Variants in GABRA1 observed in about 807,000 individuals in gnomAD.
The protein encoded by GABRA1 is gamma-aminobutyric acid type A receptor subunit alpha1.
In GABRA1, 9 loss-of-function variants were observed where a neutral mutation model predicts 48.9. The observed-to-expected ratio is 0.18, with a 90% CI of 0.11 to 0.32. GABRA1 has a LOEUF of 0.32. GABRA1 is among the 10% of genes least tolerant of loss of function. The pLI is 1.00. For synonymous variants in GABRA1, 210 were observed against 198.7 expected (o/e 1.06, Z -0.48); for missense variants, 285 against 553.8 (o/e 0.51, Z 4.87).
At position 161,868,456 on chromosome 5, in the gene GABRA1, C is replaced by G. The variant is rs1753971485; in HGVS notation, c.255+2668C>G. Among the ~76,000 whole-genome samples, 4 of 151,802 alleles carry G rather than the reference C, an allele frequency of 2.6e-5. No homozygotes were observed. In the South Asian group the frequency reaches 8.3e-4, roughly 32 times the overall value. ...AAATTAACCTATCAGATTAAATCCCCTTCCTTCCTTCTTTTTTCCCCAGTA... is the reference window on the plus strand; with the variant it reads ...AAATTAACCTATCAGATTAAATCCCGTTCCTTCCTTCTTTTTTCCCCAGTA... On this transcript the variant is annotated intron_variant, in intron 4 of 9. Coordinates refer to ENST00000393943, the MANE Select transcript of GABRA1 (RefSeq NM_001127644.2).
intron 4 of GABRA1, among the ~76,000 whole-genome samples, chr5:161,871,652 A>G (rs1754126894): frequency 6.6e-6 from 1 of 152,154 alleles, no homozygotes; most frequent in Non-Finnish European, 1.5e-5. Context: ...CCTTTGCTGA[A>G]TTTATTAGGT....
At chr5:161,895,962 T>C (rs1273874982) in intron 9 of GABRA1, 94 bp downstream of exon 9, 1 of 1,015,600 alleles carries the variant, frequency 9.8e-7, no homozygotes, top group Middle Eastern at 2.3e-4. Context: ...GGATGGAGTA[T>C]GCAGAATAAT....
chr5:161,868,046 T>C (rs1753948232), intron 4 of GABRA1, among the ~76,000 whole-genome samples: 1 of 148,058 alleles, frequency 6.8e-6, no homozygotes, highest in Admixed American at 6.8e-5. Context: ...GCCTATAATA[T>C]TAAAAAAAAA....
rs369682969 is a variant in GABRA1 at position 161,897,449 on chromosome 5, G to C, written c.*27G>C. On this transcript the variant is annotated 3_prime_UTR_variant, in exon 10 of 10. Transcript: ENST00000393943. ...TCTTTTACTCACATTCTGTTGTTCAGTCCTCTGCACTGGGAATTTATTTAT... is the reference window on the plus strand; with the variant it reads ...TCTTTTACTCACATTCTGTTGTTCACTCCTCTGCACTGGGAATTTATTTAT... The C allele has an allele frequency of 5.7e-5, 91 of 1,583,690 alleles. No individual in the cohort carries two copies. The highest frequency in any genetic ancestry group is 7.7e-5 in the Non-Finnish European group (89 of 1,153,148).
chr5:161,899,243 T>G lies in GABRA1; in HGVS notation c.*1821T>G, dbSNP rs10059108. 3.9e-3 allele frequency: 597 copies of G among 152,700 alleles called. 5 individuals are homozygous for G. The highest frequency in any genetic ancestry group is 0.014 in the African/African-American group (582 of 41,578). The allele number at this position is 152,700 out of a possible 1,614,324, so 9.5% of individuals were successfully genotyped here. On this transcript the variant is annotated 3_prime_UTR_variant, in exon 10 of 10. Coordinates refer to ENST00000393943, the MANE Select transcript of GABRA1 (RefSeq NM_001127644.2). ...TATCCAATGATATAGGAAAATACAT[T>G]GTGTTTTCCTAAACACACTTTTCTT...
Position 161,873,317 on chromosome 5 carries a change from C to G in GABRA1, c.456C>G (p.Gly152=). Residue 152 remains glycine (G), a synonymous_variant, in exon 5 of 10, where the codon GGC becomes GGG. Transcript: ENST00000393943. ...PNKLLRITED[G]TLLYTMRLTV... Reference sequence around the variant, plus strand: ...AACTCCTGCGGATCACAGAGGATGGCACCTTGCTGTACACCATGAGGTAAG... The same window carrying G: ...AACTCCTGCGGATCACAGAGGATGGGACCTTGCTGTACACCATGAGGTAAG... The G allele has an allele frequency of 6.2e-7, 1 of 1,613,486 alleles. No homozygotes were observed. The highest frequency in any genetic ancestry group is 8.5e-7 in the Non-Finnish European group (1 of 1,179,582).
In GABRA1 at chr5:161,848,211, A is replaced by G. The variant is rs1757281932; in HGVS notation, c.-227A>G. 1 of 152,106 alleles carries G rather than the reference A, an allele frequency of 6.6e-6. No homozygotes were observed. The highest frequency in any genetic ancestry group is 1.5e-5 in the Non-Finnish European group (1 of 68,110). 9.4% of individuals were successfully genotyped at this position (152,106 alleles called of 1,614,324 possible). ...TATAGCTGCAGATTGGATATTGGGA[A>G]GCAAATTTGGGTGTGAAATCTTCAG... On this transcript the variant is annotated 5_prime_UTR_variant, in exon 1 of 10. Transcript: ENST00000393943.
At chr5:161,847,297 A>C (rs967433956), upstream of GABRA1, 2 of 152,158 alleles carry the variant, frequency 1.3e-5, no homozygotes, top group African/African-American at 4.8e-5. Flanking sequence ...AGAATGATGG[A>C]GCTCGAGGCA....
At chr5:161,896,011 C>T (rs1186970689) in intron 9 of GABRA1, 143 bp downstream of exon 9, 3 of 742,830 alleles carry the variant, frequency 4.0e-6, no homozygotes. Context: ...CAATTAAGTG[C>T]CATGATAATT....
At chr5:161,893,048 T>TAATAA (rs5872733) in intron 8 of GABRA1, among the ~76,000 whole-genome samples, 2 of 141,994 alleles carry the variant, frequency 1.4e-5, no homozygotes, top group Non-Finnish European at 3.0e-5. Flanking sequence ...ATAATAATAA[T>TAATAA]AAAATAAACA....
chr5:161,852,706 A>G (rs1055715271), intron 2 of GABRA1, among the ~76,000 whole-genome samples: 2 of 152,030 alleles, frequency 1.3e-5, no homozygotes, highest in Admixed American at 1.3e-4. Flanking sequence ...GCATGGCATC[A>G]ATGTTGAAAT....
At chr5:161,861,920 T>C (rs1256319425) in intron 3 of GABRA1, among the ~76,000 whole-genome samples, 1 of 151,858 alleles carries the variant, frequency 6.6e-6, no homozygotes, top group Admixed American at 6.6e-5. Context: ...ACAAAATAGC[T>C]TAAATAAGGC....
chr5:161,880,502 G>A (rs1441400970), intron 6 of GABRA1, among the ~76,000 whole-genome samples: 1 of 152,118 alleles, frequency 6.6e-6, no homozygotes, highest in Admixed American at 6.6e-5. Context: ...TTAAGACCAT[G>A]AGGATAACCA....
At chr5:161,850,249 C>G (rs977020863) in intron 1 of GABRA1, 1 of 173,732 alleles carries the variant, frequency 5.8e-6, no homozygotes, top group African/African-American at 2.4e-5. Context: ...AGTGTGTTTC[C>G]TATGTTTTTA....
chr5:161,869,635 T>C (rs1332055156), intron 4 of GABRA1, among the ~76,000 whole-genome samples: 2 of 152,162 alleles, frequency 1.3e-5, no homozygotes, highest in Non-Finnish European at 2.9e-5. Context: ...CAGATGGTAA[T>C]AAATGGCACA....
intron 6 of GABRA1, among the ~76,000 whole-genome samples, chr5:161,881,350 A>C (rs1404644294): frequency 3.3e-5 from 5 of 152,178 alleles, no homozygotes; most frequent in African/African-American, 1.2e-4. Flanking sequence ...AGAAATCAGA[A>C]AAGGTATGGA....
At chr5:161,883,896 A>G (rs12519029) in intron 7 of GABRA1, among the ~76,000 whole-genome samples, 6,242 of 152,100 alleles carry the variant, frequency 0.041, 328 homozygotes, top group Admixed American at 0.16. Context: ...TTTTTAAAAA[A>G]TGGAAACTGT....
At chr5:161,852,661 T>C (rs1581176886) in intron 2 of GABRA1, among the ~76,000 whole-genome samples, 1 of 151,946 alleles carries the variant, frequency 6.6e-6, no homozygotes, top group East Asian at 1.9e-4. Context: ...CAGCAAGATG[T>C]TTAATTTTGC....
intron 8 of GABRA1, among the ~76,000 whole-genome samples, chr5:161,893,219 C>T (rs1431339942): frequency 2.6e-5 from 4 of 151,934 alleles, no homozygotes; most frequent in Non-Finnish European, 5.9e-5. Context: ...TGTCAAAAAA[C>T]ATTGCTCTTA....
Sources: gnomAD v4.1 joint callset for allele counts (sites outside exome capture counted in the v4.1 genomes callset) on GRCh38, gnomAD v4.1.1 for gene constraint, MANE v1.5 for transcripts, NCBI Gene and HGNC (gene_info 2026-07-23, HGNC 2026-07-21) for gene names.